SLF2: variants seen among roughly 807,000 people sequenced by gnomAD.
SLF2 encodes SMC5-SMC6 complex localization factor protein 2.
A neutral mutation model predicts 124.3 loss-of-function variants in SLF2; 68 were observed. The observed-to-expected ratio is 0.55, with a 90% confidence interval of 0.45 to 0.67. SLF2 has a LOEUF of 0.67. SLF2 is among the 30% of genes least tolerant of loss of function. SLF2 has a pLI of 0.00. For synonymous variants in SLF2, 480 were observed against 478.8 expected (o/e 1.00, Z -0.03); for missense variants, 1,246 against 1,373.7 (o/e 0.91, Z 1.47).
Position 100,961,868 on chromosome 10 carries a change from C to CT in SLF2, c.3487-3dup. The CT allele has an allele frequency of 1.2e-6, 2 of 1,604,168 alleles. No individual in the cohort carries two copies. Among genetic ancestry groups the CT allele is most frequent in the South Asian group, 1.1e-5 (1 of 89,674 alleles). On this transcript the variant is annotated splice_polypyrimidine_tract_variant and intron_variant, in intron 19 of 19. Coordinates refer to ENST00000238961, the MANE Select transcript of SLF2 (RefSeq NM_018121.4). ...GCTTTACCCTCTTTTTTCTCCTTCCCTTTTTTAGGGGCAGCTTCATGACTT... is the reference window on the plus strand; with the variant it reads ...GCTTTACCCTCTTTTTTCTCCTTCCCTTTTTTTAGGGGCAGCTTCATGACTT...
In SLF2 at chr10:100,947,851, T is replaced by C. The variant is rs761042750; in HGVS notation, c.3120+4T>C. 9 of 1,600,246 alleles carry C rather than the reference T, an allele frequency of 5.6e-6. No individual in the cohort carries two copies. Among genetic ancestry groups the C allele is most frequent in the Non-Finnish European group, 7.7e-6 (9 of 1,169,674 alleles). On this transcript the variant is annotated splice_donor_region_variant and intron_variant, in intron 15 of 19. Coordinates refer to ENST00000238961, the MANE Select transcript of SLF2 (RefSeq NM_018121.4). ...TCCTAATGCCAGTAATCTGCAGGTA[T>C]AAATAAATACATTTTTATTTTTAAT...
intron 17 of SLF2, among the ~76,000 whole-genome samples, chr10:100,953,570 A>G (rs919793379): frequency 3.9e-5 from 6 of 151,902 alleles, no homozygotes; most frequent in African/African-American, 1.4e-4. Flanking sequence ...TTACTAATAT[A>G]TTACATATAA....
intron 11 of SLF2, among the ~76,000 whole-genome samples, chr10:100,939,935 C>A (rs890088468): frequency 2.0e-5 from 3 of 152,128 alleles, no homozygotes; most frequent in Admixed American, 6.5e-5. Flanking sequence ...TGTTGGATAG[C>A]AACATTTCAG....
intron 19 of SLF2, 92 bp from the exon 20 acceptor site, chr10:100,961,784 GC>G (rs1031992670): frequency 1.0e-5 from 11 of 1,052,382 alleles, no homozygotes; most frequent in Non-Finnish European, 1.5e-5. Context: ...TCTTATCAAA[GC>G]CCATTGTCTG....
chr10:100,951,461 C>A (rs558563052), intron 17 of SLF2, among the ~76,000 whole-genome samples: 1 of 152,260 alleles, frequency 6.6e-6, no homozygotes, highest in South Asian at 2.1e-4. Context: ...TCTGTAGAGA[C>A]CATGCAGTTT....
chr10:100,956,684 G>A, intron 18 of SLF2, 147 bp downstream of exon 18: 3 of 573,504 alleles, frequency 5.2e-6, no homozygotes, highest in South Asian at 2.7e-5. Context: ...CAATACTTTG[G>A]GAGGCTGAGA....
At chr10:100,947,955 T>C in intron 15 of SLF2, 108 bp downstream of exon 15, 1 of 705,500 alleles carries the variant, frequency 1.4e-6, no homozygotes, top group Admixed American at 2.4e-5. Context: ...GCTCAGCTCT[T>C]AAGCTTGATA....
chr10:100,956,412 T>C, intron 17 of SLF2, 39 bp from the exon 18 acceptor site: 1 of 1,416,146 alleles, frequency 7.1e-7, no homozygotes, highest in Non-Finnish European at 9.8e-7. Flanking sequence ...TTTGTAATGC[T>C]TCAGAATTGT....
chr10:100,957,372 T>C (rs1025594471), intron 18 of SLF2, among the ~76,000 whole-genome samples: 3 of 126,252 alleles, frequency 2.4e-5, no homozygotes, highest in Non-Finnish European at 4.8e-5. Context: ...TTTTTTGAGA[T>C]GGAGTTTCAC....
At chr10:100,939,275 T>G (rs12413835) in intron 11 of SLF2, among the ~76,000 whole-genome samples, 9,607 of 152,198 alleles carry the variant, frequency 0.063, 435 homozygotes, top group East Asian at 0.25. Flanking sequence ...ATCCCAACAC[T>G]TGGGGAGGCC....
At chr10:100,915,976 C>T in intron 1 of SLF2, 23 bp from the exon 2 acceptor site, 1 of 1,573,004 alleles carries the variant, frequency 6.4e-7, no homozygotes, top group Non-Finnish European at 8.7e-7. Context: ...TTATATGATG[C>T]CATATTATGC....
At chr10:100,930,304 G>A (rs1208216386) in intron 8 of SLF2, among the ~76,000 whole-genome samples, 1 of 152,118 alleles carries the variant, frequency 6.6e-6, no homozygotes, top group African/African-American at 2.4e-5. Context: ...GGAAGTCCAG[G>A]GCTGGAGTGC....
intron 1 of SLF2, among the ~76,000 whole-genome samples, chr10:100,914,849 A>G (rs570289547): frequency 1.3e-5 from 2 of 152,242 alleles, no homozygotes; most frequent in African/African-American, 4.8e-5. Flanking sequence ...AAGAAGCTTA[A>G]CCTTCAAGAA....
intron 1 of SLF2, among the ~76,000 whole-genome samples, chr10:100,915,234 G>A (rs1849392458): frequency 6.6e-6 from 1 of 152,090 alleles, no homozygotes; most frequent in Non-Finnish European, 1.5e-5. Context: ...TTTTTCCCAA[G>A]CAATGTGTTA....
chr10:100,942,739 G>A (rs1343728458), intron 11 of SLF2, among the ~76,000 whole-genome samples: 4 of 152,088 alleles, frequency 2.6e-5, no homozygotes, highest in African/African-American at 4.8e-5. Context: ...GGCTGGTCTC[G>A]AACTCCTGAC....
intron 6 of SLF2, chr10:100,926,343 G>A (rs1022327974): frequency 1.2e-5 from 16 of 1,380,430 alleles, no homozygotes; most frequent in African/African-American, 2.9e-5. Flanking sequence ...GATGGCTCAT[G>A]CCTGTAATCC....
intron 17 of SLF2, among the ~76,000 whole-genome samples, chr10:100,952,581 C>T (rs796164999): frequency 1.3e-5 from 2 of 151,326 alleles, no homozygotes; most frequent in African/African-American, 4.9e-5. Flanking sequence ...CATAGTATCT[C>T]CTAGACATGA....
rs778247095 is a variant in SLF2 at position 100,926,165 on chromosome 10, G to A, written c.2042+146G>A. The A allele has an allele frequency of 3.2e-6, 5 of 1,554,936 alleles. No homozygotes were observed. In the African/African-American group the frequency reaches 6.8e-5, roughly 21 times the overall value. ...CAACTGTGTTAGAATAAGATATGTT[G>A]GCCGGACGCAGTGGCTCATGCCTGT... On this transcript the variant is annotated intron_variant, in intron 6 of 19. Coordinates refer to ENST00000238961, the MANE Select transcript of SLF2 (RefSeq NM_018121.4).
chr10:100,949,474 C>A (rs1407234512), intron 15 of SLF2, among the ~76,000 whole-genome samples: 1 of 152,146 alleles, frequency 6.6e-6, no homozygotes, highest in Non-Finnish European at 1.5e-5. Context: ...ACCACAGAGT[C>A]AACTTTGTTG....
Sources: gnomAD v4.1 joint callset for allele counts (sites outside exome capture counted in the v4.1 genomes callset) on GRCh38, gnomAD v4.1.1 for gene constraint, MANE v1.5 for transcripts, NCBI Gene and HGNC (gene_info 2026-07-23, HGNC 2026-07-21) for gene names.